The following ST6GAL1 variants were observed in gnomAD, a reference collection of about 807,000 sequenced individuals.
ST6GAL1 encodes ST6 beta-galactoside alpha-2,6-sialyltransferase 1.
Under a neutral mutation model 38.0 loss-of-function variants are expected in ST6GAL1, and 20 were observed. The observed-to-expected ratio is 0.53, with a 90% CI of 0.37 to 0.77. The LOEUF is 0.77. Among genes scored for constraint, ST6GAL1 ranks in the 30% least tolerant of loss-of-function variants. ST6GAL1 has a pLI of 0.00. For synonymous variants in ST6GAL1, 196 were observed against 188.2 expected (o/e 1.04, Z -0.34); for missense variants, 432 against 496.4 (o/e 0.87, Z 1.23).
intron 4 of ST6GAL1, among the ~76,000 whole-genome samples, chr3:187,048,647 G>T (rs1364626415): frequency 6.6e-6 from 1 of 152,162 alleles, no homozygotes; most frequent in Non-Finnish European, 1.5e-5. Flanking sequence ...ATCTCTGAGG[G>T]CATGGACCTT....
chr3:186,990,505 G>A (rs1358056003), intron 2 of ST6GAL1, among the ~76,000 whole-genome samples: 2 of 152,138 alleles, frequency 1.3e-5, no homozygotes, highest in East Asian at 3.8e-4. Context: ...TGATAGACTT[G>A]ATGACTATAT....
intron 1 of ST6GAL1, among the ~76,000 whole-genome samples, chr3:186,957,752 G>C (rs1450973350): frequency 6.6e-6 from 1 of 152,132 alleles, no homozygotes; most frequent in Non-Finnish European, 1.5e-5. Context: ...CTCTACAGAA[G>C]CTAGGAGACA....
chr3:187,011,666 G>A (rs571394986), intron 2 of ST6GAL1, among the ~76,000 whole-genome samples: 3 of 152,308 alleles, frequency 2.0e-5, no homozygotes, highest in East Asian at 1.9e-4. Context: ...TGGTATCTGC[G>A]TCATTAATTC....
intron 2 of ST6GAL1, chr3:186,996,525 G>A (rs749395067): frequency 1.3e-5 from 2 of 152,164 alleles, no homozygotes; most frequent in African/African-American, 4.8e-5. Flanking sequence ...TGCAAATAGC[G>A]GAGGGTTACG....
At chr3:186,938,311 C>T (rs930626035) in intron 1 of ST6GAL1, among the ~76,000 whole-genome samples, 2 of 152,144 alleles carry the variant, frequency 1.3e-5, no homozygotes, top group African/African-American at 4.8e-5. Flanking sequence ...TGCTTTCTTG[C>T]CCACTATGTA....
At chr3:186,992,244 TAGTG>T (rs1478820296) in intron 2 of ST6GAL1, among the ~76,000 whole-genome samples, 1 of 152,176 alleles carries the variant, frequency 6.6e-6, no homozygotes, top group Non-Finnish European at 1.5e-5. Flanking sequence ...GTTCTCATGA[TAGTG>T]AGTGAGTTCT....
intron 2 of ST6GAL1, among the ~76,000 whole-genome samples, chr3:187,030,042 G>A (rs188910957): frequency 1.1e-4 from 17 of 152,314 alleles, no homozygotes; most frequent in African/African-American, 3.8e-4. Context: ...GGAGTGAGTG[G>A]CCGTGGTCAC....
chr3:187,048,019 T>C (rs766220646), intron 4 of ST6GAL1, among the ~76,000 whole-genome samples: 43 of 151,678 alleles, frequency 2.8e-4, no homozygotes, highest in Admixed American at 1.5e-3. Flanking sequence ...CTTGGCTCAC[T>C]GCAAGCTCCA....
intron 1 of ST6GAL1, among the ~76,000 whole-genome samples, chr3:186,943,684 G>A (rs532665073): frequency 1.3e-5 from 2 of 152,190 alleles, no homozygotes; most frequent in African/African-American, 2.4e-5. Flanking sequence ...TCCTGACCTC[G>A]TGATCCGCCC....
chr3:187,018,308 C>A (rs914355490), intron 2 of ST6GAL1, among the ~76,000 whole-genome samples: 2 of 152,076 alleles, frequency 1.3e-5, no homozygotes, highest in African/African-American at 2.4e-5. Context: ...CTGTGTCTAG[C>A]CAACCAGTAG....
At chr3:187,022,053 T>A (rs1477328343) in intron 2 of ST6GAL1, 1 of 152,180 alleles carries the variant, frequency 6.6e-6, no homozygotes, top group Admixed American at 6.5e-5. Context: ...AGCAAATTAA[T>A]TGAACCCACG....
At chr3:187,042,525 C>T in intron 3 of ST6GAL1, 129 bp from the exon 4 acceptor site, 1 of 887,876 alleles carries the variant, frequency 1.1e-6, no homozygotes, top group Non-Finnish European at 1.7e-6. Flanking sequence ...CAGAGGTGGC[C>T]AGGAGGTAGA....
rs71167026 is a variant in ST6GAL1, at chr3:186,945,988, C to CAAAA, written c.-325+15171_-325+15174dup. The stretch of plus-strand genomic sequence containing the variant: ...CTTGGGTGACAGAGCAAGACTCCGT[C>CAAAA]AAAAAAAAAAAAAAAAAAAAGAAGG... On this transcript the variant is annotated intron_variant, in intron 1 of 7. Transcript: ENST00000169298. Among the ~76,000 whole-genome samples, 73 of 71,432 alleles carry CAAAA rather than the reference C, an allele frequency of 1.0e-3. 1 individual carries two copies. The highest frequency in any genetic ancestry group is 1.7e-3 in the East Asian group (4 of 2,386). The allele number at this position is 71,432 out of a possible 152,430, so 46.9% of individuals were successfully genotyped here. A position where few individuals can be genotyped will look rare whatever the true frequency, so the allele number is the denominator to read the frequency against.
chr3:187,001,564 G>A (rs1413394037), intron 2 of ST6GAL1, among the ~76,000 whole-genome samples: 1 of 152,056 alleles, frequency 6.6e-6, no homozygotes, highest in Non-Finnish European at 1.5e-5. Context: ...TGTAAAATGG[G>A]ATTATGGCAT....
chr3:187,051,274 T>C lies in ST6GAL1; in HGVS notation c.633T>C (p.Phe211=). 6.2e-7 allele frequency: 1 copy of C among 1,614,172 alleles called. No individual in the cohort carries two copies. The highest frequency in any genetic ancestry group is 1.3e-5 in the African/African-American group (1 of 75,038). The change falls in exon 5 of 8, where the codon TTT becomes TTC. Residue 211 remains phenylalanine, a synonymous_variant. Coordinates refer to ENST00000169298, the MANE Select transcript of ST6GAL1 (RefSeq NM_173216.2). The stretch of plus-strand genomic sequence containing the variant: ...ATGATCATGACGCAGTCCTGAGGTT[T>C]AATGGGGCACCCACAGCCAACTTCC... ...EIDDHDAVLR[F]NGAPTANFQQ... is the part of the protein sequence containing the mutation.
At chr3:186,998,688 A>G (rs1027592820) in intron 2 of ST6GAL1, among the ~76,000 whole-genome samples, 2 of 152,194 alleles carry the variant, frequency 1.3e-5, no homozygotes, top group African/African-American at 4.8e-5. Flanking sequence ...AATATATTCA[A>G]AATACTCTTA....
At chr3:186,948,091 G>A (rs768254580) in intron 1 of ST6GAL1, among the ~76,000 whole-genome samples, 2 of 152,182 alleles carry the variant, frequency 1.3e-5, no homozygotes, top group Non-Finnish European at 2.9e-5. Context: ...GTGAGAATCC[G>A]CTCTTGCCTG....
intron 2 of ST6GAL1, among the ~76,000 whole-genome samples, chr3:187,022,252 T>C (rs2108565727): frequency 6.6e-6 from 1 of 151,712 alleles, no homozygotes; most frequent in Non-Finnish European, 1.5e-5. Flanking sequence ...GGTGTTGGGG[T>C]GGGACCCCCA....
intron 2 of ST6GAL1, among the ~76,000 whole-genome samples, chr3:186,993,872 A>T (rs2108547549): frequency 6.6e-6 from 1 of 152,300 alleles, no homozygotes; most frequent in African/African-American, 2.4e-5. Flanking sequence ...TACGTTATGT[A>T]AGCGATACTT....
Sources: allele counts gnomAD v4.1 joint callset (sites outside exome capture counted in the v4.1 genomes callset), GRCh38; gene constraint gnomAD v4.1.1; transcripts MANE v1.5; gene names NCBI Gene and HGNC (gene_info 2026-07-23, HGNC 2026-07-21).